Variants in MFAP2 observed in about 807,000 individuals in gnomAD.
MFAP2 encodes microfibrillar-associated protein 2.
In MFAP2, 23 loss-of-function variants were observed where a neutral mutation model predicts 30.6. The observed-to-expected ratio is 0.75, with a 90% CI of 0.54 to 1.07. The LOEUF (loss-of-function observed/expected upper bound fraction) is 1.07. Among genes scored for constraint, MFAP2 ranks in the 50% least tolerant of loss-of-function variants. The pLI is 0.00. For missense variants in MFAP2, 198 were observed against 223.8 expected (o/e 0.88, Z 0.74); for synonymous variants, 73 against 85.7 (o/e 0.85, Z 0.82).
intron 1 of MFAP2, among the ~76,000 whole-genome samples, chr1:16,980,083 G>T (rs575598711): frequency 5.9e-5 from 9 of 152,128 alleles, no homozygotes; most frequent in Middle Eastern, 3.4e-3. Context: ...ATCAGACGGA[G>T]GGAGGGCTCT....
chr1:16,977,080 A>G, intron 3 of MFAP2, 29 bp downstream of exon 3: 1 of 1,613,552 alleles, frequency 6.2e-7, no homozygotes, highest in Non-Finnish European at 8.5e-7. Flanking sequence ...CTGAGCAGCC[A>G]GGCCTCGGTG....
intron 2 of MFAP2, 197 bp from the exon 3 acceptor site, chr1:16,977,395 G>T: frequency 1.7e-6 from 1 of 589,526 alleles, no homozygotes; most frequent in South Asian, 2.1e-5. Context: ...TCACCTCCCT[G>T]ACCTTACCCT....
In MFAP2 at chr1:16,975,017, A is replaced by T; in HGVS notation, c.455T>A (p.Leu152His). ...CAHEELLRAD[L>H]CRDKFSKCGV... ...ACATTTGGAGAACTTGTCCCGACAGAGGTCAGCTATTGGGGGCAGGAAGGA... is the reference window on the plus strand; with the variant it reads ...ACATTTGGAGAACTTGTCCCGACAGTGGTCAGCTATTGGGGGCAGGAAGGA... The change falls in exon 9 of 9, where the codon CTC (leucine) becomes CAC (histidine). Residue 152 changes from leucine (L) to histidine (H), a missense_variant. Transcript: ENST00000375535. The surrounding 1 kb of genome is among the most constrained non-coding windows in gnomAD (Gnocchi z 5.0). 1 of 793,564 alleles carries T rather than the reference A, an allele frequency of 1.3e-6. No homozygotes were observed. The highest frequency in any genetic ancestry group is 1.5e-5 in the South Asian group (1 of 66,386). The allele number at this position is 793,564 out of a possible 1,614,324, so 49.2% of individuals were successfully genotyped here.
rs543123389 is a variant in MFAP2, at chr1:16,976,017, G to A, written c.287-287C>T. Among the ~76,000 whole-genome samples the A allele has an allele frequency of 7.9e-5, 12 of 152,260 alleles. No individual in the cohort carries two copies. The highest frequency in any genetic ancestry group is 2.9e-4 in the African/African-American group (12 of 41,550). ...AAAAGCCCATACCAACTCCCGAGCA[G>A]ACGTGCCCACGCTCACAGAAGCCCA... On this transcript the variant is annotated intron_variant, in intron 6 of 8. Coordinates refer to ENST00000375535, the MANE Select transcript of MFAP2 (RefSeq NM_002403.4). This position sits in a 1 kb window ranked among gnomAD's most constrained non-coding sequence, Gnocchi z 5.5.
chr1:16,980,046 A>G (rs1485340045), intron 1 of MFAP2, among the ~76,000 whole-genome samples: 1 of 148,582 alleles, frequency 6.7e-6, no homozygotes, highest in Non-Finnish European at 1.5e-5. Context: ...GAGGTGGGGG[A>G]CAGGGGGCCC....
chr1:16,978,031 G>T, intron 2 of MFAP2: 1 of 527,594 alleles, frequency 1.9e-6, no homozygotes, highest in Non-Finnish European at 3.4e-6. Context: ...GCTGTGGAAG[G>T]CTGGGGGAAG....
At position 16,976,462 on chromosome 1, in the gene MFAP2, G is replaced by A. The variant is rs1350720299; in HGVS notation, c.286+39C>T. 3.1e-6 allele frequency: 5 copies of A among 1,613,678 alleles called. No homozygotes were observed. The South Asian group carries it at 3.3e-5, about 11-fold the overall frequency. On this transcript the variant is annotated intron_variant, in intron 6 of 8. Coordinates refer to ENST00000375535, the MANE Select transcript of MFAP2 (RefSeq NM_002403.4). This position sits in a 1 kb window ranked among gnomAD's most constrained non-coding sequence, Gnocchi z 5.5. ...CCCCCTACTCCACCCCAACTTCAGG[G>A]CGTGCCTCCATTTTTCCAGCTGTCA...
At chr1:16,980,467 C>T (rs1201143731) in intron 1 of MFAP2, 120 bp downstream of exon 1, 5 of 152,094 alleles carry the variant, frequency 3.3e-5, no homozygotes, top group African/African-American at 1.2e-4. Context: ...GTTCAGGAAC[C>T]TCCGCGGCTG....
chr1:16,978,269 C>T lies in MFAP2; in HGVS notation c.5G>A (p.Arg2Lys). 1.9e-6 allele frequency: 3 copies of T among 1,578,098 alleles called. No homozygotes were observed. Among genetic ancestry groups the T allele is most frequent in the Non-Finnish European group, 2.6e-6 (3 of 1,161,640 alleles). The change falls in exon 2 of 9, where the codon AGA becomes AAA. Residue 2 changes from arginine (R) to lysine (K), a missense_variant. Coordinates refer to ENST00000375535, the MANE Select transcript of MFAP2 (RefSeq NM_002403.4). ...GAATAGCAGGAAGAGGTAGGCAGCT[C>T]TCATGGCAACAAAGAGGCAGGCCGG... M[R>K]AAYLFLLFLP...
chr1:16,977,119 G>C lies in MFAP2; in HGVS notation c.117C>G (p.Ser39Arg). 6.2e-7 allele frequency: 1 copy of C among 1,613,918 alleles called. No homozygotes were observed. The highest frequency in any genetic ancestry group is 8.5e-7 in the Non-Finnish European group (1 of 1,180,002). ...FPDHVQYTHY[S>R]DQIDNPDYYD... is the part of the protein sequence containing the mutation. ...CGGCAAGGCCCTTACCGATCTGGTC[G>C]CTATAGTGGGTGTACTGGACGTGGT... The change falls in exon 3 of 9, where the codon AGC becomes AGG. Residue 39 changes from serine (S) to arginine (R), a missense_variant. Physicochemically the swap from Ser to Arg is moderately radical, Grantham distance 110. Coordinates refer to ENST00000375535, the MANE Select transcript of MFAP2 (RefSeq NM_002403.4).
chr1:16,978,385 C>G, intron 1 of MFAP2, 71 bp from the exon 2 acceptor site: 3 of 1,311,372 alleles, frequency 2.3e-6, no homozygotes, highest in Non-Finnish European at 3.2e-6. Context: ...CTTTGATCCC[C>G]TGATTTCGCC....
rs1248888518 is a variant in MFAP2, at chr1:16,975,244, G to T, written c.448+25C>A. ...ATGATGCGGGTGTGGGGACAGGGGA[G>T]GTCTTGGGGAGGTGGCCTTCCTACC... On this transcript the variant is annotated intron_variant, in intron 8 of 8. Transcript: ENST00000375535. This position sits in a 1 kb window ranked among gnomAD's most constrained non-coding sequence, Gnocchi z 5.0. 1 of 1,604,096 alleles carries T rather than the reference G, an allele frequency of 6.2e-7. No individual in the cohort carries two copies. The highest frequency in any genetic ancestry group is 8.5e-7 in the Non-Finnish European group (1 of 1,172,388).
rs1234644110 is a variant in MFAP2, at chr1:16,976,515, T to C, written c.272A>G (p.Glu91Gly). 2.5e-6 allele frequency: 4 copies of C among 1,614,228 alleles called. No homozygotes were observed. The highest frequency in any genetic ancestry group is 3.4e-6 in the Non-Finnish European group (4 of 1,180,030). ...EPGNAELEPTEPGPLDCREEQ... is the reference protein window; with the variant it reads ...EPGNAELEPTGPGPLDCREEQ... ...AAAGCCCTTACCAAGAGGCCCAGGC[T>C]CTGTGGGCTCCAGCTCTGCATTTCC... The change falls in exon 6 of 9, where the codon GAG becomes GGG. Residue 91 changes from glutamate (E) to glycine (G), a missense_variant. Transcript: ENST00000375535. This position sits in a 1 kb window ranked among gnomAD's most constrained non-coding sequence, Gnocchi z 5.5.
intron 1 of MFAP2, among the ~76,000 whole-genome samples, chr1:16,979,837 T>C (rs950096296): frequency 6.6e-6 from 1 of 152,130 alleles, no homozygotes; most frequent in African/African-American, 2.4e-5. Flanking sequence ...GCCCACGGGC[T>C]AGCGGGGAGG....
rs1268124777 is a variant in MFAP2 at position 16,976,032 on chromosome 1, A to G, written c.287-302T>C. ...CTCCCGAGCAGACGTGCCCACGCTC[A>G]CAGAAGCCCACATAGGAGCGCTCAC... On this transcript the variant is annotated intron_variant, in intron 6 of 8. Coordinates refer to ENST00000375535, the MANE Select transcript of MFAP2 (RefSeq NM_002403.4). This position sits in a 1 kb window ranked among gnomAD's most constrained non-coding sequence, Gnocchi z 5.5. 11 of 476,192 alleles carry G rather than the reference A, an allele frequency of 2.3e-5. No individual in the cohort carries two copies. In the South Asian group the frequency reaches 2.6e-4, roughly 11 times the overall value. The allele number at this position is 476,192 out of a possible 1,614,324, so 29.5% of individuals were successfully genotyped here. A position where few individuals can be genotyped will look rare whatever the true frequency, so the allele number is the denominator to read the frequency against.
intron 1 of MFAP2, among the ~76,000 whole-genome samples, chr1:16,980,065 G>A (rs1412106409): frequency 6.6e-6 from 1 of 151,664 alleles, no homozygotes; most frequent in Non-Finnish European, 1.5e-5. Context: ...CCCGACGCTC[G>A]CTCAGACATC....
intron 2 of MFAP2, 45 bp from the exon 3 acceptor site, chr1:16,977,243 A>G (rs1486703257): frequency 3.1e-6 from 5 of 1,594,468 alleles, no homozygotes; most frequent in Middle Eastern, 1.7e-4. Context: ...GGGAGGGGCA[A>G]CGGGGGCCCG....
intron 2 of MFAP2, chr1:16,977,457 T>G: frequency 2.1e-6 from 1 of 475,194 alleles, no homozygotes; most frequent in Admixed American, 3.5e-5. Flanking sequence ...CACATGCTCC[T>G]GCCTCCCTCA....
At position 16,974,600 on chromosome 1, in the gene MFAP2, G is replaced by A. The variant is rs1294070824; in HGVS notation, c.*320C>T. On this transcript the variant is annotated 3_prime_UTR_variant, in exon 9 of 9. Coordinates refer to ENST00000375535, the MANE Select transcript of MFAP2 (RefSeq NM_002403.4). The stretch of plus-strand genomic sequence containing the variant: ...AGCAGACCAGCTGGGGTGGGGGGAT[G>A]TAGCCTACCTCGGGGGACTGTCTGT... 5.7e-5 allele frequency: 1 copy of A among 17,558 alleles called. No individual in the cohort carries two copies. Among genetic ancestry groups the A allele is most frequent in the Admixed American group, 5.3e-4 (1 of 1,894 alleles). The allele number at this position is 17,558 out of a possible 1,614,324, so 1.1% of individuals were successfully genotyped here.
Sources: gnomAD v4.1 joint callset for allele counts (sites outside exome capture counted in the v4.1 genomes callset) on GRCh38, gnomAD v4.1.1 for gene constraint, Gnocchi (gnomAD v3.1) non-coding constraint, MANE v1.5 for transcripts, NCBI Gene and HGNC (gene_info 2026-07-23, HGNC 2026-07-21) for gene names.